Variants in GRM7 observed in about 807,000 individuals in gnomAD.
GRM7 encodes the protein glutamate metabotropic receptor 7.
Under a neutral mutation model 84.5 loss-of-function variants are expected in GRM7, and 35 were observed. The observed-to-expected ratio is 0.41, with a 90% CI of 0.32 to 0.55. The LOEUF is 0.55. Among genes scored for constraint, GRM7 ranks in the 20% least tolerant of loss-of-function variants. The pLI is 0.19. For synonymous variants in GRM7, 487 were observed against 455.1 expected, an observed-to-expected ratio of 1.07 and a Z score of -0.89; for missense variants, 1,003 against 1,194.6, an observed-to-expected ratio of 0.84 and a Z score of 2.36.
At chr3:7,488,346 G>A (rs573020490) in intron 7 of GRM7, among the ~76,000 whole-genome samples, 3 of 152,164 alleles carry the variant, frequency 2.0e-5, no homozygotes, top group East Asian at 1.9e-4. Context: ...AGAATGCAAC[G>A]GTTTGGATAT....
At chr3:7,502,584 ATG>A (rs151019545) in intron 7 of GRM7, among the ~76,000 whole-genome samples, 2 of 151,918 alleles carry the variant, frequency 1.3e-5, no homozygotes, top group African/African-American at 4.8e-5. Flanking sequence ...GTGTGTGTGT[ATG>A]TGTGTGTGTG....
chr3:6,896,822 T>C (rs1015871820), intron 1 of GRM7, among the ~76,000 whole-genome samples: 16 of 152,298 alleles, frequency 1.1e-4, no homozygotes, highest in African/African-American at 3.6e-4. Context: ...CTTAGTCCCA[T>C]TGTTGACTGC....
rs369267258 is a variant in GRM7 at position 7,656,612 on chromosome 3, G to A, written c.2452-23437G>A. Among the ~76,000 whole-genome samples, 430 of 151,306 alleles carry A rather than the reference G, an allele frequency of 2.8e-3. 5 individuals are homozygous for A. Among genetic ancestry groups the A allele is most frequent in the Middle Eastern group, 0.017 (5 of 294 alleles). ...GTGGCAGACAGAGGAAAAGCAGGTCGTGTTTTATGTCCCCAGGGGTAGGGA... is the reference window on the plus strand; with the variant it reads ...GTGGCAGACAGAGGAAAAGCAGGTCATGTTTTATGTCCCCAGGGGTAGGGA... On this transcript the variant is annotated intron_variant, in intron 8 of 9. Transcript: ENST00000357716.
chr3:7,444,269 C>A (rs1403720426), intron 5 of GRM7, among the ~76,000 whole-genome samples: 2 of 152,122 alleles, frequency 1.3e-5, no homozygotes, highest in African/African-American at 2.4e-5. Flanking sequence ...AGAGGACAGG[C>A]ATCTATAGAG....
rs543629867 is a variant in GRM7, at chr3:7,147,659, GA to G, written c.736+992del. 8.5e-5 allele frequency among the ~76,000 whole-genome samples: 13 copies of G among 152,250 alleles called. No individual in the cohort carries two copies. The South Asian group carries it at 2.7e-3, about 32-fold the overall frequency. Reference sequence around the variant, plus strand: ...CAGAAATAAAGCGCTTCCGGATACGGATGATGCTAGAAGAGAGAAACTAGGA... The same window carrying G: ...CAGAAATAAAGCGCTTCCGGATACGGTGATGCTAGAAGAGAGAAACTAGGA... On this transcript the variant is annotated intron_variant, in intron 2 of 9. Transcript: ENST00000357716.
intron 2 of GRM7, among the ~76,000 whole-genome samples, chr3:7,252,790 C>G (rs1026804911): frequency 1.3e-5 from 2 of 150,340 alleles, no homozygotes; most frequent in East Asian, 2.0e-4. Context: ...CCGGGTTCAA[C>G]TGATTTTCCT....
chr3:6,886,728 A>G (rs1695709432), intron 1 of GRM7, among the ~76,000 whole-genome samples: 1 of 151,964 alleles, frequency 6.6e-6, no homozygotes, highest in African/African-American at 2.4e-5. Flanking sequence ...TGTGTTACAT[A>G]TATCATTACT....
chr3:7,221,611 A>G (rs564926027), intron 2 of GRM7, among the ~76,000 whole-genome samples: 4 of 151,690 alleles, frequency 2.6e-5, no homozygotes, highest in African/African-American at 4.8e-5. Flanking sequence ...CTAATATTGT[A>G]TAGTTTCTTT....
intron 2 of GRM7, among the ~76,000 whole-genome samples, chr3:7,192,886 C>G (rs1336309722): frequency 1.3e-5 from 2 of 152,050 alleles, no homozygotes; most frequent in Non-Finnish European, 2.9e-5. Context: ...ACTGGTGAAT[C>G]CTGCCAATAA....
intron 1 of GRM7, among the ~76,000 whole-genome samples, chr3:6,874,564 T>C (rs1475680456): frequency 6.6e-6 from 1 of 152,204 alleles, no homozygotes; most frequent in Admixed American, 6.5e-5. Flanking sequence ...AAAATTCTTA[T>C]CATTTTACTG....
chr3:7,132,515 A>G (rs1693635598), intron 1 of GRM7, among the ~76,000 whole-genome samples: 2 of 152,206 alleles, frequency 1.3e-5, no homozygotes, highest in Admixed American at 1.3e-4. Context: ...ACCATGCAGA[A>G]ATCGTATAAA....
chr3:7,467,666 G>A (rs1326890119), intron 7 of GRM7, among the ~76,000 whole-genome samples: 1 of 152,008 alleles, frequency 6.6e-6, no homozygotes, highest in African/African-American at 2.4e-5. Flanking sequence ...ACTAGATCTA[G>A]GTCATATTGT....
At chr3:7,229,755 ATATATTTT>A (rs1309770589) in intron 2 of GRM7, among the ~76,000 whole-genome samples, 6 of 28,478 alleles carry the variant, frequency 2.1e-4, no homozygotes, top group East Asian at 1.4e-3. Context: ...ATATATATAT[ATATATTTT>A]TTTTTTTTTT....
chr3:7,700,660 T>C (rs1218173885), intron 9 of GRM7, among the ~76,000 whole-genome samples: 1 of 152,182 alleles, frequency 6.6e-6, no homozygotes, highest in East Asian at 1.9e-4. Context: ...CAATAAATCA[T>C]TATACAACAG....
intron 1 of GRM7, among the ~76,000 whole-genome samples, chr3:6,887,129 T>C (rs1339887597): frequency 1.3e-5 from 2 of 152,120 alleles, no homozygotes; most frequent in African/African-American, 4.8e-5. Flanking sequence ...CTCCCACTGT[T>C]TAAACTGAAA....
intron 2 of GRM7, among the ~76,000 whole-genome samples, chr3:7,161,422 GAAAA>G (rs75862127): frequency 1.4e-4 from 19 of 134,742 alleles, no homozygotes; most frequent in African/African-American, 5.1e-4. Flanking sequence ...GTAATGACCT[GAAAA>G]AAAAAAAAAA....
intron 8 of GRM7, among the ~76,000 whole-genome samples, chr3:7,605,921 C>T (rs1044778100): frequency 3.3e-5 from 5 of 152,088 alleles, no homozygotes; most frequent in African/African-American, 9.7e-5. Context: ...TGGGCTTCTC[C>T]GTGTTCCAAT....
intron 4 of GRM7, among the ~76,000 whole-genome samples, chr3:7,313,306 A>T (rs1182991994): frequency 6.6e-6 from 1 of 152,158 alleles, no homozygotes; most frequent in Non-Finnish European, 1.5e-5. Context: ...GAAAGGAAAT[A>T]TTAATACCAG....
At chr3:7,607,247 T>G (rs1380730143) in intron 8 of GRM7, 1 of 152,006 alleles carries the variant, frequency 6.6e-6, no homozygotes, top group African/African-American at 2.4e-5. Flanking sequence ...GCTATCTTCC[T>G]TGGCATCATT....
Sources: allele counts gnomAD v4.1 joint callset (sites outside exome capture counted in the v4.1 genomes callset), GRCh38; gene constraint gnomAD v4.1.1; transcripts MANE v1.5; gene names NCBI Gene and HGNC (gene_info 2026-07-23, HGNC 2026-07-21).